Variants in EXOC6 observed in about 807,000 individuals in gnomAD.
EXOC6 encodes SEC15-like 1.
EXOC6 carries 60 observed loss-of-function variants against 112.5 expected under a neutral mutation model. That is an observed-to-expected ratio of 0.53 (90% CI 0.43 to 0.66). The LOEUF is 0.66. Ranked by LOEUF, EXOC6 falls within the 30% of genes least tolerant of loss-of-function variation. The pLI, the probability that EXOC6 is intolerant of heterozygous loss-of-function variation, is 0.00. For missense variants in EXOC6, 855 were observed against 957.1 expected (o/e 0.89, Z 1.41); for synonymous variants, 295 against 308.0 (o/e 0.96, Z 0.44).
intron 20 of EXOC6, 49 bp downstream of exon 20, chr10:93,014,316 C>G: frequency 1.4e-6 from 2 of 1,422,638 alleles, no homozygotes; most frequent in Non-Finnish European, 2.0e-6. Flanking sequence ...AACTCTTGCC[C>G]TCCCCTCACT....
Position 92,955,472 on chromosome 10 carries a change from T to G in EXOC6, c.1639-108T>G. ...TAGTTGTATCCTATAATGCTGCAATTATGTAGAAATGGTACAGTTGCTGGA... is the reference window on the plus strand; with the variant it reads ...TAGTTGTATCCTATAATGCTGCAATGATGTAGAAATGGTACAGTTGCTGGA... On this transcript the variant is annotated intron_variant, in intron 16 of 21. Coordinates refer to ENST00000260762, the MANE Select transcript of EXOC6 (RefSeq NM_019053.6). 3.4e-6 allele frequency: 3 copies of G among 878,954 alleles called. No individual in the cohort carries two copies. The South Asian group carries it at 4.6e-5, about 13-fold the overall frequency. 54.4% of individuals were successfully genotyped at this position (878,954 alleles called of 1,614,324 possible). A position where few individuals can be genotyped will look rare whatever the true frequency, so the allele number is the denominator to read the frequency against.
At chr10:92,837,137 A>ACACAC (rs1564760612) in intron 1 of EXOC6, among the ~76,000 whole-genome samples, 3 of 66,988 alleles carry the variant, frequency 4.5e-5, no homozygotes, top group Admixed American at 1.4e-4. Flanking sequence ...CACACACACA[A>ACACAC]GCCAGAACAA....
At chr10:92,834,899 C>A in intron 1 of EXOC6, 2 of 805,876 alleles carry the variant, frequency 2.5e-6, no homozygotes, top group Non-Finnish European at 2.0e-6. Flanking sequence ...TTTTATAATT[C>A]TTTATAAGAG....
At chr10:92,928,514 C>G in intron 9 of EXOC6, 92 bp downstream of exon 9, 3 of 729,324 alleles carry the variant, frequency 4.1e-6, no homozygotes, top group Non-Finnish European at 6.9e-6. Context: ...ACTGTTCATT[C>G]AACTACAAAT....
At position 92,914,466 on chromosome 10, in the gene EXOC6, A is replaced by T. The variant is rs1564825779; in HGVS notation, c.664-1292A>T. 2.0e-5 allele frequency among the ~76,000 whole-genome samples: 3 copies of T among 152,338 alleles called. No individual in the cohort carries two copies. The South Asian group carries it at 6.2e-4, about 32-fold the overall frequency. ...ATTTATATAACTCATTTGAACTTAG[A>T]ACCCTTTTTTCAAGGAACATCTGTT... is the stretch of plus-strand genomic sequence containing the variant. On this transcript the variant is annotated intron_variant, in intron 6 of 21. Transcript: ENST00000260762.
intron 20 of EXOC6, among the ~76,000 whole-genome samples, chr10:93,046,930 C>A (rs967147385): frequency 1.3e-5 from 2 of 152,032 alleles, no homozygotes; most frequent in African/African-American, 4.8e-5. Context: ...AAGAGTAGTT[C>A]CTCATTTAGG....
intron 20 of EXOC6, among the ~76,000 whole-genome samples, chr10:93,034,974 C>T (rs530981209): frequency 2.0e-5 from 3 of 152,260 alleles, no homozygotes; most frequent in Admixed American, 6.5e-5. Flanking sequence ...CAAGCTTGTT[C>T]ACACAGCTCC....
chr10:92,955,282 A>G (rs1397032884), intron 16 of EXOC6, among the ~76,000 whole-genome samples: 1 of 152,152 alleles, frequency 6.6e-6, no homozygotes, highest in Non-Finnish European at 1.5e-5. Context: ...AGGAAAAGTC[A>G]CAATCCTAAT....
intron 1 of EXOC6, among the ~76,000 whole-genome samples, chr10:92,892,189 T>C (rs896093016): frequency 6.6e-6 from 1 of 151,914 alleles, no homozygotes; most frequent in African/African-American, 2.4e-5. Context: ...GTTACACTCA[T>C]AGTTACTGTT....
At position 92,997,573 on chromosome 10, in the gene EXOC6, G is replaced by C. The variant is rs750416557; in HGVS notation, c.2053G>C (p.Gly685Arg). The C allele has an allele frequency of 6.2e-7, 1 of 1,613,450 alleles. No homozygotes were observed. Among genetic ancestry groups the C allele is most frequent in the East Asian group, 2.2e-5 (1 of 44,834 alleles). Residue 685 changes from glycine (G) to arginine (R), a missense_variant, in exon 19 of 22, where the codon GGA becomes CGA. Gly to Arg is a moderately radical substitution (Grantham distance 125, BLOSUM62 -2). This residue lies in a region of EXOC6 where 450 missense variants were observed against 563.5 expected (regional missense o/e 0.80). Coordinates refer to ENST00000260762, the MANE Select transcript of EXOC6 (RefSeq NM_019053.6). ...CAGTGAGTTAAAACAAATAAGCATG[G>C]GAGCTGTTCAGCAGTTTAACTTAGA... is the stretch of plus-strand genomic sequence containing the variant. ...LDSELKQISMGAVQQFNLDVI... is the reference protein window; with the variant it reads ...LDSELKQISMRAVQQFNLDVI...
chr10:93,030,061 A>C (rs1250014096), intron 20 of EXOC6, among the ~76,000 whole-genome samples: 1 of 152,140 alleles, frequency 6.6e-6, no homozygotes, highest in African/African-American at 2.4e-5. Context: ...GGCATGTGCC[A>C]CCACGCCCGG....
At chr10:92,925,778 G>A (rs1851679648) in intron 8 of EXOC6, among the ~76,000 whole-genome samples, 1 of 152,004 alleles carries the variant, frequency 6.6e-6, no homozygotes, top group Admixed American at 6.6e-5. Flanking sequence ...TCCTGCCTCA[G>A]CCTCCTGAGT....
rs1341792686 is a variant in EXOC6, at chr10:92,848,550, A to G, written c.17A>G (p.Glu6Gly). 6 of 1,410,872 alleles carry G rather than the reference A, an allele frequency of 4.3e-6. No individual in the cohort carries two copies. The East Asian group carries it at 1.1e-4, about 26-fold the overall frequency. The allele number at this position is 1,410,872 out of a possible 1,614,324, so 87.4% of individuals were successfully genotyped here. A position where few individuals can be genotyped will look rare whatever the true frequency, so the allele number is the denominator to read the frequency against. ...CCAGCCAAAATGGCGGAGAACAGCGAGAGTCTGGGCACCGTCCCCGAGCAC... is the reference window on the plus strand; with the variant it reads ...CCAGCCAAAATGGCGGAGAACAGCGGGAGTCTGGGCACCGTCCCCGAGCAC... Reference protein sequence around the residue: MAENSESLGTVPEHER... With the variant: MAENSGSLGTVPEHER... The change falls in exon 1 of 22, where the codon GAG (glutamate) becomes GGG (glycine). Residue 6 changes from glutamate to glycine, a missense_variant. Physicochemically the swap from Glu to Gly is moderately conservative, Grantham distance 98. Around this residue, in one of 2 missense-constraint regions of EXOC6, gnomAD observed 405 missense variants for 393.6 expected, o/e 1.03. Coordinates refer to ENST00000260762, the MANE Select transcript of EXOC6 (RefSeq NM_019053.6).
Position 92,899,124 on chromosome 10 carries a change from T to C in EXOC6, c.413-475T>C, listed in dbSNP as rs562927304. Among the ~76,000 whole-genome samples the C allele has an allele frequency of 1.8e-4, 28 of 152,318 alleles. 1 individual carries two copies. The South Asian group carries it at 3.5e-3, about 19-fold the overall frequency. On this transcript the variant is annotated intron_variant, in intron 4 of 21. Transcript: ENST00000260762. Reference sequence around the variant, plus strand: ...TTTGACGTTTTTCTTTCTTTGTGGATTTGGTATAAACTTTTGTTTATAGTG... The same window carrying C: ...TTTGACGTTTTTCTTTCTTTGTGGACTTGGTATAAACTTTTGTTTATAGTG...
intron 17 of EXOC6, among the ~76,000 whole-genome samples, chr10:92,967,502 A>G (rs1842117025): frequency 6.6e-6 from 1 of 152,148 alleles, no homozygotes. Flanking sequence ...TCTATAAACT[A>G]AAAAAGAGAA....
At chr10:93,041,206 T>A (rs566013489) in intron 20 of EXOC6, among the ~76,000 whole-genome samples, 1 of 151,516 alleles carries the variant, frequency 6.6e-6, no homozygotes, top group East Asian at 1.9e-4. Context: ...ACCCATCCTC[T>A]TCTCTCCATG....
At position 93,031,715 on chromosome 10, in the gene EXOC6, G is replaced by A. The variant is rs138973902; in HGVS notation, c.2169+17448G>A. ...TTTAGTACAGAGGGGGTGTCACCAT[G>A]TTGGTCAGGCTGGTCTTGAACTGCT... On this transcript the variant is annotated intron_variant, in intron 20 of 21. Transcript: ENST00000260762. Among the ~76,000 whole-genome samples, 882 of 152,016 alleles carry A rather than the reference G, an allele frequency of 5.8e-3. 10 individuals carry two copies. The highest frequency in any genetic ancestry group is 0.02 in the African/African-American group (846 of 41,452).
intron 20 of EXOC6, among the ~76,000 whole-genome samples, chr10:93,027,540 C>T (rs1372277008): frequency 6.6e-6 from 1 of 152,188 alleles, no homozygotes; most frequent in African/African-American, 2.4e-5. Flanking sequence ...TTGTTAGGGA[C>T]TAATGCATCT....
intron 1 of EXOC6, among the ~76,000 whole-genome samples, chr10:92,887,312 C>G (rs1380857553): frequency 1.3e-5 from 2 of 150,148 alleles, no homozygotes; most frequent in Admixed American, 1.3e-4. Flanking sequence ...TAGCAAATTT[C>G]TAGACTAGTT....
Sources: allele counts gnomAD v4.1 joint callset (sites outside exome capture counted in the v4.1 genomes callset), GRCh38; gene constraint gnomAD v4.1.1; regional missense constraint gnomAD v4.1.1; transcripts MANE v1.5; gene names NCBI Gene and HGNC (gene_info 2026-07-23, HGNC 2026-07-21).